The following PATJ variants were observed in gnomAD, a reference collection of about 807,000 sequenced individuals.
PATJ encodes inaD-like protein.
PATJ carries 190 observed loss-of-function variants against 224.9 expected under a neutral mutation model. The ratio of observed to expected loss-of-function variants is 0.84; its 90% confidence interval spans 0.75 to 0.95. The LOEUF is 0.95. PATJ is among the 40% of genes least tolerant of loss of function. PATJ has a pLI of 0.00. For synonymous variants in PATJ, 769 were observed against 820.3 expected, an observed-to-expected ratio of 0.94 and a Z score of 1.07; for missense variants, 2,121 against 2,270.3, an observed-to-expected ratio of 0.93 and a Z score of 1.34.
chr1:61,837,175 GA>G (rs1241686246), intron 17 of PATJ, among the ~76,000 whole-genome samples: 1 of 152,174 alleles, frequency 6.6e-6, no homozygotes, highest in Non-Finnish European at 1.5e-5. Context: ...TGGTTTAAAT[GA>G]ATTAGTGTGT....
chr1:61,976,143 C>T (rs986506453), intron 27 of PATJ, among the ~76,000 whole-genome samples: 5 of 151,906 alleles, frequency 3.3e-5, no homozygotes. Flanking sequence ...CTTAAATTGT[C>T]GATTCCAAAA....
rs1408780509 is a variant in PATJ, at chr1:62,125,250, AAAAC to A, written c.5043+2196_5043+2199del. Among the ~76,000 whole-genome samples, 12 of 103,688 alleles carry A rather than the reference AAAAC, an allele frequency of 1.2e-4. 2 individuals are homozygous for A. The highest frequency in any genetic ancestry group is 4.4e-4 in the African/African-American group (11 of 25,056). The allele number at this position is 103,688 out of a possible 152,430, so 68.0% of individuals were successfully genotyped here. A position where few individuals can be genotyped will look rare whatever the true frequency, so the allele number is the denominator to read the frequency against. On this transcript the variant is annotated intron_variant, in intron 39 of 43. Transcript: ENST00000642238. ...AAACCCTGTCTCAAAAAAAAAAAAAAAAACAAAAAAAAACAAAAAAAAAACGCCA... is the reference window on the plus strand; with the variant it reads ...AAACCCTGTCTCAAAAAAAAAAAAAAAAAAAAAAACAAAAAAAAAACGCCA...
At chr1:62,118,434 A>C (rs180780476) in intron 37 of PATJ, among the ~76,000 whole-genome samples, 94 of 152,296 alleles carry the variant, frequency 6.2e-4, no homozygotes, top group African/African-American at 2.2e-3. Context: ...GGTTCCATTG[A>C]ATCTCACTCC....
intron 20 of PATJ, among the ~76,000 whole-genome samples, chr1:61,873,334 G>C (rs1221795288): frequency 6.6e-6 from 1 of 151,844 alleles, no homozygotes; most frequent in African/African-American, 2.4e-5. Flanking sequence ...TGCCTGGCTA[G>C]TTTTTATAAT....
rs1167666214 is a variant in PATJ at position 61,864,467 on chromosome 1, C to A, written c.2669C>A (p.Pro890His). The change falls in exon 20 of 44, where the codon CCC becomes CAC. Residue 890 changes from proline (P) to histidine (H), a missense_variant. Coordinates refer to ENST00000642238, the MANE Select transcript of PATJ (RefSeq NM_001350145.3). ...QDPSPSMELY[P>H]LSHIQEATPV... The stretch of plus-strand genomic sequence containing the variant: ...CCCTCACCATCCATGGAGTTGTATC[C>A]CTTGTCGCACATTCAAGAGGCCACT... 3 of 1,613,914 alleles carry A rather than the reference C, an allele frequency of 1.9e-6. No homozygotes were observed. The highest frequency in any genetic ancestry group is 1.7e-5 in the Admixed American group (1 of 60,008).
rs149018876 is a variant in PATJ, at chr1:61,862,394, G to A, written c.2439+727G>A. On this transcript the variant is annotated intron_variant, in intron 19 of 43. Coordinates refer to ENST00000642238, the MANE Select transcript of PATJ (RefSeq NM_001350145.3). ...GTGTTTTTAGTAGAGACAGGGTTTC[G>A]CCACGTTGGCCAGGCTGGTCTCGAA... 1.9e-4 allele frequency among the ~76,000 whole-genome samples: 28 copies of A among 150,588 alleles called. No homozygotes were observed. In the South Asian group the frequency reaches 2.3e-3, roughly 13 times the overall value.
At chr1:61,936,292 G>C (rs1439391962) in intron 27 of PATJ, among the ~76,000 whole-genome samples, 1 of 150,928 alleles carries the variant, frequency 6.6e-6, no homozygotes, top group Non-Finnish European at 1.5e-5. Context: ...GAGTGGAGTA[G>C]GAAACCTATC....
intron 1 of PATJ, among the ~76,000 whole-genome samples, chr1:61,761,845 G>A (rs977238492): frequency 3.9e-5 from 6 of 151,926 alleles, no homozygotes; most frequent in Non-Finnish European, 7.4e-5. Context: ...GCCACCATGG[G>A]TGGCTGATTT....
rs1557983986 is a variant in PATJ, at chr1:61,980,475, GTGTGGTA to G, written c.3671-9690_3671-9684del. The stretch of plus-strand genomic sequence containing the variant: ...TGTGTGTGTGTGTGTGTGTGTGTGT[GTGTGGTA>G]TGCATTTTCATATAGTAAACAAAGT... On this transcript the variant is annotated intron_variant, in intron 27 of 43. Coordinates refer to ENST00000642238, the MANE Select transcript of PATJ (RefSeq NM_001350145.3). 7.4e-3 allele frequency among the ~76,000 whole-genome samples: 995 copies of G among 133,666 alleles called. 23 individuals carry two copies. The highest frequency in any genetic ancestry group is 0.037 in the East Asian group (148 of 4,020). 87.7% of individuals were successfully genotyped at this position (133,666 alleles called of 152,430 possible).
chr1:61,876,845 C>T (rs1377538897), intron 21 of PATJ, among the ~76,000 whole-genome samples: 1 of 152,124 alleles, frequency 6.6e-6, no homozygotes, highest in African/African-American at 2.4e-5. Flanking sequence ...ATATTCTTGA[C>T]CTTTTGGTTA....
chr1:62,085,364 C>A (rs1045667621), intron 33 of PATJ, among the ~76,000 whole-genome samples: 74 of 150,674 alleles, frequency 4.9e-4, no homozygotes, highest in African/African-American at 7.6e-4. Flanking sequence ...AAAAAAAAAA[C>A]AAACAAAAAA....
intron 28 of PATJ, chr1:62,013,333 T>G (rs1570029466): frequency 1.0e-6 from 1 of 985,422 alleles, no homozygotes; most frequent in Non-Finnish European, 1.2e-6. Context: ...CATTTTTTTT[T>G]TAACCTTAGT....
At chr1:61,790,900 G>C (rs141252118) in intron 8 of PATJ, among the ~76,000 whole-genome samples, 158 of 152,274 alleles carry the variant, frequency 1.0e-3, no homozygotes, top group Middle Eastern at 3.4e-3. Context: ...CCCATACCCA[G>C]TCTCATTCAG....
chr1:61,827,334 T>C, intron 15 of PATJ, 88 bp from the exon 16 acceptor site: 1 of 1,158,952 alleles, frequency 8.6e-7, no homozygotes, highest in Non-Finnish European at 1.2e-6. Context: ...ATGTCCTATT[T>C]TCATTTTGGT....
rs147096610 is a variant in PATJ, at chr1:62,117,748, G to GT, written c.4890+531dup. 8.7e-3 allele frequency among the ~76,000 whole-genome samples: 1,268 copies of GT among 145,688 alleles called. 14 individuals carry two copies. Among genetic ancestry groups the GT allele is most frequent in the African/African-American group, 0.031 (1,207 of 38,710 alleles). ...TCTTATATTTATTTGCAAAGCTGATGTAAGTGCCATTTTTTTTTAGCAAAG... is the reference window on the plus strand; with the variant it reads ...TCTTATATTTATTTGCAAAGCTGATGTTAAGTGCCATTTTTTTTTAGCAAAG... On this transcript the variant is annotated intron_variant, in intron 37 of 43. Coordinates refer to ENST00000642238, the MANE Select transcript of PATJ (RefSeq NM_001350145.3).
chr1:61,869,269 G>T (rs1029804794), intron 20 of PATJ, among the ~76,000 whole-genome samples: 2 of 150,874 alleles, frequency 1.3e-5, no homozygotes, highest in Non-Finnish European at 2.9e-5. Context: ...ACTACGCCCG[G>T]CTAATTTTTT....
At chr1:61,916,202 T>C (rs1284940207) in intron 26 of PATJ, among the ~76,000 whole-genome samples, 1 of 152,032 alleles carries the variant, frequency 6.6e-6, no homozygotes. Flanking sequence ...AAAACCATAA[T>C]GGTGAAACAA....
At chr1:61,988,726 A>G (rs1483407928) in intron 27 of PATJ, among the ~76,000 whole-genome samples, 2 of 152,200 alleles carry the variant, frequency 1.3e-5, no homozygotes, top group Non-Finnish European at 2.9e-5. Context: ...AAATTTATGC[A>G]TAAAGTCATT....
chr1:61,743,529 GA>G (rs1459362031), intron 1 of PATJ, among the ~76,000 whole-genome samples: 4 of 152,332 alleles, frequency 2.6e-5, no homozygotes, highest in Admixed American at 6.5e-5. Context: ...AAGGAAGGCA[GA>G]AGCCTTTGGA....
Sources: allele counts gnomAD v4.1 joint callset (sites outside exome capture counted in the v4.1 genomes callset), GRCh38; gene constraint gnomAD v4.1.1; transcripts MANE v1.5; gene names NCBI Gene and HGNC (gene_info 2026-07-23, HGNC 2026-07-21).